Variants in IL1R1 observed in about 807,000 individuals in gnomAD.
IL1R1 encodes the protein interleukin-1 receptor type 1.
IL1R1 carries 22 observed loss-of-function variants against 50.2 expected under a neutral mutation model. The observed-to-expected ratio is 0.44, with a 90% CI of 0.31 to 0.63. The LOEUF (loss-of-function observed/expected upper bound fraction) is 0.63, where lower values mean the gene tolerates loss of function less well. IL1R1 is among the 20% of genes least tolerant of loss of function. The probability of loss-of-function intolerance (pLI) is 0.07; values close to 1 mark genes in which losing one functional copy is unlikely to be tolerated. For synonymous variants in IL1R1, 251 were observed against 236.7 expected (o/e 1.06, Z -0.55); for missense variants, 509 against 676.2 (o/e 0.75, Z 2.74).
intron 3 of IL1R1, among the ~76,000 whole-genome samples, chr2:102,163,296 G>A (rs1037687879): frequency 1.3e-5 from 2 of 152,132 alleles, no homozygotes; most frequent in Non-Finnish European, 2.9e-5. Flanking sequence ...GTCACATCTT[G>A]AAAAACTTCA....
chr2:102,122,767 C>T (rs1408929823), intron 1 of IL1R1, among the ~76,000 whole-genome samples: 1 of 152,196 alleles, frequency 6.6e-6, no homozygotes, highest in Non-Finnish European at 1.5e-5. Flanking sequence ...TCTTTGAAAA[C>T]TGGCTTTCCT....
chr2:102,172,628 C>T, intron 8 of IL1R1, 59 bp from the exon 9 acceptor site: 2 of 1,442,796 alleles, frequency 1.4e-6, no homozygotes, highest in East Asian at 4.6e-5. Context: ...GTATACAGGT[C>T]TTATTTGTAG....
upstream of IL1R1, among the ~76,000 whole-genome samples, chr2:102,140,640 G>A (rs1682592606): frequency 6.6e-6 from 1 of 152,240 alleles, no homozygotes; most frequent in East Asian, 1.9e-4. Flanking sequence ...TGAGACCAGA[G>A]CAGATAGGGA....
rs183293407 is a variant in IL1R1, at chr2:102,127,184, G to T, written c.-84+22312G>T. ...GTCTCAATCCTTTGAAGTTCCATTGGGTGAGTCAGCTCCCCACTTAGCTTC... is the reference window on the plus strand; with the variant it reads ...GTCTCAATCCTTTGAAGTTCCATTGTGTGAGTCAGCTCCCCACTTAGCTTC... On this transcript the variant is annotated intron_variant, in intron 1 of 10. Transcript: ENST00000409329. Among the ~76,000 whole-genome samples, 36 of 152,280 alleles carry T rather than the reference G, an allele frequency of 2.4e-4. 1 individual carries two copies. The highest frequency in any genetic ancestry group is 3.4e-3 in the Middle Eastern group (1 of 294).
At chr2:102,168,782 A>T (rs115120718) in intron 7 of IL1R1, 119 bp downstream of exon 7, 4 of 698,122 alleles carry the variant, frequency 5.7e-6, no homozygotes, top group Non-Finnish European at 9.6e-6. Context: ...AAATCTATCA[A>T]TGGAGGGAAA....
intron 1 of IL1R1, among the ~76,000 whole-genome samples, chr2:102,149,593 T>A (rs73943995): frequency 6.6e-6 from 1 of 152,114 alleles, no homozygotes; most frequent in Non-Finnish European, 1.5e-5. Flanking sequence ...ACCATGTCCC[T>A]CATGTACCTG....
At chr2:102,159,746 G>A (rs1207051335) in intron 3 of IL1R1, among the ~76,000 whole-genome samples, 3 of 152,146 alleles carry the variant, frequency 2.0e-5, no homozygotes, top group Non-Finnish European at 2.9e-5. Flanking sequence ...GCAGTGCTCT[G>A]GAAATGGGAC....
At chr2:102,112,395 C>G (rs973280438) in intron 1 of IL1R1, among the ~76,000 whole-genome samples, 2 of 150,942 alleles carry the variant, frequency 1.3e-5, no homozygotes, top group African/African-American at 4.9e-5. Context: ...AATTGCTGGC[C>G]CTGAGGTGAT....
chr2:102,078,250 G>C (rs1331113684), intron 1 of IL1R1, among the ~76,000 whole-genome samples: 1 of 151,906 alleles, frequency 6.6e-6, no homozygotes, highest in Admixed American at 6.6e-5. Flanking sequence ...GAAAAAAATA[G>C]AGAAAATCAA....
rs140454082 is a variant in IL1R1, at chr2:102,121,141, T to A, written c.-84+16269T>A. Among the ~76,000 whole-genome samples the A allele has an allele frequency of 7.9e-5, 12 of 152,130 alleles. No homozygotes were observed. The East Asian group carries it at 2.3e-3, about 30-fold the overall frequency. On this transcript the variant is annotated intron_variant, in intron 1 of 10. Transcript: ENST00000409329. ...TCAATGGCCACGCTGTGCCCTTGGG[T>A]CCTTGCTGCAGCCTGTGCACTGTAT...
intron 1 of IL1R1, among the ~76,000 whole-genome samples, chr2:102,148,282 C>T (rs1197323520): frequency 6.6e-6 from 1 of 152,126 alleles, no homozygotes; most frequent in African/African-American, 2.4e-5. Context: ...AGGGAAGTTC[C>T]TGGGTGGGCT....
At chr2:102,085,970 T>G (rs185556433) in intron 1 of IL1R1, among the ~76,000 whole-genome samples, 1 of 152,246 alleles carries the variant, frequency 6.6e-6, no homozygotes, top group East Asian at 1.9e-4. Context: ...AGCAATAGCT[T>G]TATTTTTAGG....
In IL1R1 at chr2:102,099,280, A is replaced by C. The variant is rs189236800; in HGVS notation, c.-84+28747A>C. ...TCATGAGGGCAAAACAAAGAACCCA[A>C]AATTAGAGGGCCTAGAAGAGATGGT... On this transcript the variant is annotated intron_variant, in intron 1 of 11. Transcript: ENST00000409929. Among the ~76,000 whole-genome samples the C allele has an allele frequency of 3.6e-4, 55 of 152,262 alleles. No homozygotes were observed. The East Asian group carries it at 9.8e-3, about 27-fold the overall frequency.
chr2:102,124,196 C>A (rs567301640), intron 1 of IL1R1, among the ~76,000 whole-genome samples: 1 of 152,186 alleles, frequency 6.6e-6, no homozygotes, highest in South Asian at 2.1e-4. Context: ...CTGAGGTGGG[C>A]AGATTGCCCA....
At chr2:102,157,659 G>A in intron 2 of IL1R1, 60 bp from the exon 3 acceptor site, 3 of 1,087,984 alleles carry the variant, frequency 2.8e-6, no homozygotes, top group Non-Finnish European at 2.8e-6. Context: ...TAGTTTTAGA[G>A]ATTTGCTGGA....
chr2:102,080,781 T>C (rs1679169706), intron 1 of IL1R1, among the ~76,000 whole-genome samples: 1 of 152,158 alleles, frequency 6.6e-6, no homozygotes, highest in South Asian at 2.1e-4. Context: ...TTATTCAAAA[T>C]AGCCAAAACA....
At chr2:102,117,564 C>T (rs1681154890) in intron 1 of IL1R1, among the ~76,000 whole-genome samples, 1 of 152,226 alleles carries the variant, frequency 6.6e-6, no homozygotes, top group South Asian at 2.1e-4. Context: ...AGAGCTATTT[C>T]TGAATATCCG....
At chr2:102,094,842 T>C (rs948186417) in intron 1 of IL1R1, among the ~76,000 whole-genome samples, 1 of 152,194 alleles carries the variant, frequency 6.6e-6, no homozygotes, top group Non-Finnish European at 1.5e-5. Context: ...TATACACATA[T>C]ATGTGCATAT....
intron 1 of IL1R1, among the ~76,000 whole-genome samples, chr2:102,149,405 G>A (rs1558641): frequency 0.13 from 20,389 of 152,202 alleles, 1,830 homozygotes; most frequent in East Asian, 0.25. Flanking sequence ...AGAAGGAGGA[G>A]TCATTTACTG....
Sources: gnomAD v4.1 joint callset for allele counts (sites outside exome capture counted in the v4.1 genomes callset) on GRCh38, gnomAD v4.1.1 for gene constraint, MANE v1.5 for transcripts, NCBI Gene and HGNC (gene_info 2026-07-23, HGNC 2026-07-21) for gene names.